MOSMO: variants seen among roughly 807,000 people sequenced by gnomAD.
The protein encoded by MOSMO is modulator of smoothened.
A neutral mutation model predicts 18.4 loss-of-function variants in MOSMO; 5 were observed. The observed-to-expected ratio is 0.27, with a 90% CI of 0.14 to 0.57. MOSMO has a LOEUF of 0.57. Ranked by LOEUF, MOSMO falls within the 20% of genes least tolerant of loss-of-function variation. The pLI is 0.92. For synonymous variants in MOSMO, 82 were observed against 82.3 expected (o/e 1.00, Z 0.02); for missense variants, 138 against 211.8 (o/e 0.65, Z 2.16).
At chr16:22,039,248 A>T (rs1319947520) in intron 1 of MOSMO, among the ~76,000 whole-genome samples, 1 of 152,224 alleles carries the variant, frequency 6.6e-6, no homozygotes, top group Non-Finnish European at 1.5e-5. Context: ...CATGTCAATA[A>T]GTAGCAGTTT....
downstream of MOSMO, among the ~76,000 whole-genome samples, chr16:22,086,513 T>G (rs1901182418): frequency 6.6e-6 from 1 of 152,230 alleles, no homozygotes; most frequent in Admixed American, 6.5e-5. Context: ...CTTATGCTTC[T>G]GTAACAGAAC....
intron 1 of MOSMO, among the ~76,000 whole-genome samples, chr16:22,039,662 T>C (rs1242000495): frequency 6.6e-6 from 1 of 152,150 alleles, no homozygotes; most frequent in Non-Finnish European, 1.5e-5. Flanking sequence ...TGAGTCCTTG[T>C]CTCTTACAAA....
intron 1 of MOSMO, among the ~76,000 whole-genome samples, chr16:22,035,045 A>G (rs920471713): frequency 6.6e-6 from 1 of 151,906 alleles, no homozygotes; most frequent in South Asian, 2.1e-4. Flanking sequence ...AGACTTCTTA[A>G]ATAAGGCCTG....
chr16:22,092,614 C>T, the MOSMO span: 11 of 1,550,256 alleles, frequency 7.1e-6, no homozygotes, highest in Non-Finnish European at 7.9e-6. Flanking sequence ...GCCAGGAGCC[C>T]TTCTCCCAAA....
At chr16:22,066,235 G>A (rs1598021439) in intron 1 of MOSMO, among the ~76,000 whole-genome samples, 1 of 146,132 alleles carries the variant, frequency 6.8e-6, no homozygotes, top group East Asian at 2.0e-4. Context: ...ATCTTTGTTT[G>A]ATCAGATTCA....
chr16:22,056,059 A>G (rs1244865027), intron 1 of MOSMO, among the ~76,000 whole-genome samples: 1 of 152,118 alleles, frequency 6.6e-6, no homozygotes, highest in Non-Finnish European at 1.5e-5. Context: ...GTAAACCTAA[A>G]GGGACTAATA....
chr16:22,016,771 A>G (rs1393198413), intron 1 of MOSMO, among the ~76,000 whole-genome samples: 1 of 152,202 alleles, frequency 6.6e-6, no homozygotes, highest in East Asian at 1.9e-4. Flanking sequence ...TGAAAATTAT[A>G]TCATTCAGAC....
intron 1 of MOSMO, among the ~76,000 whole-genome samples, chr16:22,030,540 C>T (rs901534440): frequency 1.3e-5 from 2 of 151,984 alleles, no homozygotes; most frequent in African/African-American, 4.8e-5. Context: ...TTAACTATTC[C>T]TCTCCCTGTT....
chr16:22,066,595 C>A (rs1900752427), intron 1 of MOSMO, among the ~76,000 whole-genome samples: 1 of 152,132 alleles, frequency 6.6e-6, no homozygotes, highest in South Asian at 2.1e-4. Context: ...CAGAGAGAGA[C>A]CCCCTCAGCA....
intron 1 of MOSMO, among the ~76,000 whole-genome samples, chr16:22,026,462 G>A (rs1316535214): frequency 6.6e-6 from 1 of 152,010 alleles, no homozygotes; most frequent in East Asian, 1.9e-4. Flanking sequence ...CAGGTGATCC[G>A]CCCACCTCGG....
intron 1 of MOSMO, among the ~76,000 whole-genome samples, chr16:22,068,625 A>G (rs1900791386): frequency 6.6e-6 from 1 of 152,154 alleles, no homozygotes. Context: ...GAATCATACA[A>G]TATGTGGTCT....
rs1216156459 is a variant in MOSMO at position 22,075,742 on chromosome 16, C to T, written c.319+43C>T. 2.9e-5 allele frequency: 38 copies of T among 1,325,388 alleles called. No individual in the cohort carries two copies. In the East Asian group the frequency reaches 9.1e-4, roughly 32 times the overall value. The allele number at this position is 1,325,388 out of a possible 1,614,324, so 82.1% of individuals were successfully genotyped here. On this transcript the variant is annotated intron_variant, in intron 2 of 2. Transcript: ENST00000542527. The stretch of plus-strand genomic sequence containing the variant: ...ACTAAATTTGTCTAGAAGGCACCCA[C>T]CCACACTGGTATTTTTATGAAGATA...
intron 1 of MOSMO, among the ~76,000 whole-genome samples, chr16:22,063,282 C>T (rs190996325): frequency 6.6e-6 from 1 of 152,324 alleles, no homozygotes; most frequent in East Asian, 1.9e-4. Context: ...AATTACTGTA[C>T]TCATGTAAAT....
At chr16:22,078,645 G>C (rs1433355552) in intron 2 of MOSMO, among the ~76,000 whole-genome samples, 1 of 152,090 alleles carries the variant, frequency 6.6e-6, no homozygotes, top group South Asian at 2.1e-4. Flanking sequence ...TAAATTACTT[G>C]TTTCTTGAGA....
downstream of MOSMO, chr16:22,086,196 T>C (rs1367694755): frequency 6.6e-6 from 1 of 152,226 alleles, no homozygotes; most frequent in Non-Finnish European, 1.5e-5. Flanking sequence ...GCCAAGATAC[T>C]CATAACACAA....
chr16:22,035,653 CA>C (rs1437072111), intron 1 of MOSMO, among the ~76,000 whole-genome samples: 1 of 152,006 alleles, frequency 6.6e-6, no homozygotes, highest in African/African-American at 2.4e-5. Context: ...TTTGTCTTTC[CA>C]ATTTTGCAGG....
intron 1 of MOSMO, among the ~76,000 whole-genome samples, chr16:22,053,087 T>TGGTACCACAGGCACCC (rs1434220055): frequency 1.3e-5 from 2 of 151,324 alleles, no homozygotes; most frequent in Non-Finnish European, 2.9e-5. Flanking sequence ...CCCAAGTAGC[T>TGGTACCACAGGCACCC]GGTACCACAG....
At chr16:22,024,823 A>G (rs1899842594) in intron 1 of MOSMO, among the ~76,000 whole-genome samples, 2 of 152,116 alleles carry the variant, frequency 1.3e-5, no homozygotes, top group South Asian at 4.1e-4. Flanking sequence ...AAAGTGGCTA[A>G]CAGGACAGAC....
intron 1 of MOSMO, 36 bp from the exon 2 acceptor site, chr16:22,075,451 C>T: frequency 3.3e-6 from 5 of 1,501,614 alleles, no homozygotes; most frequent in Non-Finnish European, 4.5e-6. Flanking sequence ...ACAGGCCAAA[C>T]CCACTAAAGT....
Sources: allele counts gnomAD v4.1 joint callset (sites outside exome capture counted in the v4.1 genomes callset), GRCh38; gene constraint gnomAD v4.1.1; transcripts MANE v1.5; gene names NCBI Gene and HGNC (gene_info 2026-07-23, HGNC 2026-07-21).